GALK1: variants seen among roughly 807,000 people sequenced by gnomAD.
GALK1 encodes galactokinase.
GALK1 carries 30 observed loss-of-function variants against 38.6 expected under a neutral mutation model. That is an observed-to-expected ratio of 0.78 (90% CI 0.58 to 1.05). The LOEUF (loss-of-function observed/expected upper bound fraction) is 1.05, where lower values mean the gene tolerates loss of function less well. Ranked by LOEUF, GALK1 falls within the 50% of genes least tolerant of loss-of-function variation. The pLI is 0.00. For missense variants in GALK1, 512 were observed against 540.5 expected (o/e 0.95, Z 0.52); for synonymous variants, 240 against 233.6 (o/e 1.03, Z -0.25).
chr17:75,753,202 C>A (rs530286238), downstream of GALK1, among the ~76,000 whole-genome samples: 1 of 152,350 alleles, frequency 6.6e-6, no homozygotes, highest in Non-Finnish European at 1.5e-5. Context: ...TCTGTCCCTG[C>A]CGATGCCTCA....
Position 75,758,018 on chromosome 17 carries a change from G to A in GALK1, c.*38C>T. ...CACAGAGCCGTGGGACTGGCCTGCA[G>A]GCCCCGCACCCTCACCGTGTGCTGT... On this transcript the variant is annotated 3_prime_UTR_variant, in exon 8 of 8. Transcript: ENST00000588479. 4.4e-6 allele frequency: 7 copies of A among 1,609,182 alleles called. No individual in the cohort carries two copies. Among genetic ancestry groups the A allele is most frequent in the Non-Finnish European group, 5.9e-6 (7 of 1,177,456 alleles).
downstream of GALK1, chr17:75,756,882 G>A (rs759874243): frequency 2.5e-6 from 4 of 1,612,166 alleles, no homozygotes; most frequent in East Asian, 6.7e-5. Flanking sequence ...CCGGGGGCAG[G>A]AGTGGCCAGG....
downstream of GALK1, chr17:75,756,832 G>C: frequency 6.2e-7 from 1 of 1,612,424 alleles, no homozygotes; most frequent in Non-Finnish European, 8.5e-7. Context: ...CGGCTACCTG[G>C]TGACCTGTGA....
Position 75,762,771 on chromosome 17 carries a change from T to C in GALK1, c.726A>G (p.Gln242=). Reference sequence around the variant, plus strand: ...CCAGCGCCCGGGCCACTTCTTCACATTGGCGCCGCCGCACAGGGTACTCGC... The same window carrying C: ...CCAGCGCCCGGGCCACTTCTTCACACTGGCGCCGCCGCACAGGGTACTCGC... The part of the protein sequence containing the change: ...ASSEYPVRRR[Q]CEEVARALGK... The change falls in exon 5 of 8, where the codon CAA becomes CAG. Residue 242 remains glutamine, a synonymous_variant. Transcript: ENST00000588479. The C allele has an allele frequency of 6.2e-7, 1 of 1,613,856 alleles. No homozygotes were observed. The highest frequency in any genetic ancestry group is 8.5e-7 in the Non-Finnish European group (1 of 1,180,010).
At chr17:75,764,802 G>A (rs1414425354) in intron 1 of GALK1, 170 bp downstream of exon 1, 4 of 733,968 alleles carry the variant, frequency 5.4e-6, no homozygotes, top group Non-Finnish European at 6.8e-6. Flanking sequence ...CCCTTCCAAC[G>A]TGGGGAACAG....
At chr17:75,755,760 G>A, downstream of GALK1, 1 of 1,612,804 alleles carries the variant, frequency 6.2e-7, no homozygotes, top group Non-Finnish European at 8.5e-7. Context: ...CTCTGCCCTG[G>A]GGCCCACATC....
intron 8 of GALK1, chr17:75,752,435 C>A: frequency 6.2e-7 from 1 of 1,613,202 alleles, no homozygotes; most frequent in South Asian, 1.1e-5. Context: ...GCTCACTCCC[C>A]TGCCCTGCAG....
intron 3 of GALK1, 36 bp from the exon 4 acceptor site, chr17:75,763,185 G>T: frequency 6.2e-7 from 1 of 1,610,170 alleles, no homozygotes; most frequent in East Asian, 2.2e-5. Flanking sequence ...GCTAGGGCTG[G>T]TGGAAGCAGC....
At chr17:75,754,653 G>A, downstream of GALK1, 4 of 1,613,954 alleles carry the variant, frequency 2.5e-6, no homozygotes, top group Non-Finnish European at 3.4e-6. Flanking sequence ...CACGACCAGT[G>A]CTGCTGCCTA....
chr17:75,757,567 C>T (rs1438679453), downstream of GALK1: 2 of 1,613,030 alleles, frequency 1.2e-6, no homozygotes, highest in Admixed American at 1.7e-5. Flanking sequence ...CGCACCCTGC[C>T]CCACCCCCGC....
Position 75,762,689 on chromosome 17 carries a change from C to A in GALK1, c.793+15G>T. On this transcript the variant is annotated intron_variant, in intron 5 of 7. Coordinates refer to ENST00000588479, the MANE Select transcript of GALK1 (RefSeq NM_000154.2). Reference sequence around the variant, plus strand: ...CACAGCCGCCTCCAGGATAGAGCACCCTGGCAGTTCTCACCCTCTAGCTCT... The same window carrying A: ...CACAGCCGCCTCCAGGATAGAGCACACTGGCAGTTCTCACCCTCTAGCTCT... The A allele has an allele frequency of 6.2e-7, 1 of 1,613,414 alleles. No individual in the cohort carries two copies. Among genetic ancestry groups the A allele is most frequent in the Non-Finnish European group, 8.5e-7 (1 of 1,179,902 alleles).
intron 5 of GALK1, among the ~76,000 whole-genome samples, chr17:75,760,517 G>A (rs1490016559): frequency 6.6e-6 from 1 of 151,180 alleles, no homozygotes; most frequent in Non-Finnish European, 1.5e-5. Flanking sequence ...TGTAATCCCA[G>A]CACTTTGGGA....
At chr17:75,752,947 G>T (rs1294454653), downstream of GALK1, among the ~76,000 whole-genome samples, 1 of 152,174 alleles carries the variant, frequency 6.6e-6, no homozygotes, top group Non-Finnish European at 1.5e-5. Flanking sequence ...GGGTAGGGGA[G>T]CCAAGGAGAC....
At chr17:75,759,312 C>T (rs2061575305) in intron 5 of GALK1, among the ~76,000 whole-genome samples, 1 of 151,988 alleles carries the variant, frequency 6.6e-6, no homozygotes, top group Non-Finnish European at 1.5e-5. Flanking sequence ...CCTGTAATCG[C>T]AGCTACTCAG....
intron 1 of GALK1, 126 bp downstream of exon 1, chr17:75,764,846 C>G (rs1265447749): frequency 2.9e-6 from 3 of 1,045,590 alleles, no homozygotes; most frequent in Non-Finnish European, 4.2e-6. Flanking sequence ...CACCGGTGCT[C>G]CAGGCGCAGC....
downstream of GALK1, chr17:75,757,758 T>C (rs1410651891): frequency 2.1e-5 from 15 of 728,328 alleles, 1 homozygote; most frequent in South Asian, 2.2e-4. Context: ...ACCAAAGAGC[T>C]GGGAGCAGCA....
At chr17:75,756,697 C>T (rs530599037), downstream of GALK1, 14 of 1,613,264 alleles carry the variant, frequency 8.7e-6, no homozygotes, top group Non-Finnish European at 1.1e-5. Context: ...TCCTCTACTG[C>T]CCCCAGGCTC....
At chr17:75,752,163 C>A in intron 8 of GALK1, 2 of 1,613,884 alleles carry the variant, frequency 1.2e-6, no homozygotes, top group South Asian at 1.1e-5. Context: ...GAAGCACTCT[C>A]TCTGCCCCAG....
chr17:75,755,003 C>T, downstream of GALK1: 1 of 1,567,392 alleles, frequency 6.4e-7, no homozygotes, highest in Non-Finnish European at 8.7e-7. Context: ...CACACGTACA[C>T]ACATGCATGC....
Sources: allele counts gnomAD v4.1 joint callset (sites outside exome capture counted in the v4.1 genomes callset), GRCh38; gene constraint gnomAD v4.1.1; transcripts MANE v1.5; gene names NCBI Gene and HGNC (gene_info 2026-07-23, HGNC 2026-07-21).